Variants in ABCB5 observed in about 807,000 individuals in gnomAD.
The protein encoded by ABCB5 is ATP binding cassette subfamily B member 5, also known as ATP-binding cassette sub-family B member 5.
A neutral mutation model predicts 144.2 loss-of-function variants in ABCB5; 155 were observed. That is an observed-to-expected ratio of 1.08 (90% CI 0.94 to 1.23). The LOEUF (loss-of-function observed/expected upper bound fraction) is 1.23. ABCB5 is among the 50% of genes most tolerant of loss of function. The pLI, the probability that ABCB5 is intolerant of heterozygous loss-of-function variation, is 0.00. For synonymous variants in ABCB5, 610 were observed against 528.6 expected (o/e 1.15, Z -2.11); for missense variants, 1,830 against 1,520.8 (o/e 1.20, Z -3.38).
intron 13 of ABCB5, among the ~76,000 whole-genome samples, chr7:20,653,073 T>C (rs1296018413): frequency 6.6e-6 from 1 of 152,218 alleles, no homozygotes; most frequent in African/African-American, 2.4e-5. Flanking sequence ...TTTCCTTTTG[T>C]TGATGTTTTG....
chr7:20,638,354 A>G (rs1012317952), intron 5 of ABCB5, among the ~76,000 whole-genome samples: 1 of 151,770 alleles, frequency 6.6e-6, no homozygotes. Context: ...TATTATTTTT[A>G]ATATCTTTGT....
At chr7:20,717,297 C>T (rs928053262) in intron 20 of ABCB5, among the ~76,000 whole-genome samples, 1 of 152,146 alleles carries the variant, frequency 6.6e-6, no homozygotes, top group Non-Finnish European at 1.5e-5. Context: ...CCTTACAGTT[C>T]TGGAAGCTAG....
chr7:20,720,607 T>G (rs532767385), intron 20 of ABCB5, among the ~76,000 whole-genome samples: 7 of 152,120 alleles, frequency 4.6e-5, no homozygotes, highest in African/African-American at 9.7e-5. Flanking sequence ...CTACCAGATA[T>G]CTGGCTCGCG....
chr7:20,695,292 C>T (rs1433925408), intron 16 of ABCB5, among the ~76,000 whole-genome samples: 2 of 151,682 alleles, frequency 1.3e-5, no homozygotes, highest in Non-Finnish European at 2.9e-5. Context: ...TGCTTTTCAA[C>T]ACAAGGGCAA....
chr7:20,695,786 G>A (rs1786391544), intron 16 of ABCB5, among the ~76,000 whole-genome samples: 1 of 151,836 alleles, frequency 6.6e-6, no homozygotes, highest in South Asian at 2.1e-4. Flanking sequence ...TAAACAAGAT[G>A]AGCACATTGG....
intron 20 of ABCB5, among the ~76,000 whole-genome samples, chr7:20,710,292 G>C (rs1223178557): frequency 1.4e-5 from 2 of 139,596 alleles, no homozygotes; most frequent in African/African-American, 5.4e-5. Context: ...GTTTGAACCC[G>C]GGAGGCAGAG....
chr7:20,635,177 T>C (rs997802993), intron 5 of ABCB5, among the ~76,000 whole-genome samples: 8 of 152,140 alleles, frequency 5.3e-5, no homozygotes, highest in African/African-American at 1.9e-4. Flanking sequence ...TCCCAGTGTA[T>C]GTTTTTGTTG....
Position 20,628,798 on chromosome 7 carries a change from T to A in ABCB5, c.219T>A (p.Ser73Arg). 6.2e-7 allele frequency: 1 copy of A among 1,613,744 alleles called. No individual in the cohort carries two copies. Among genetic ancestry groups the A allele is most frequent in the South Asian group, 1.1e-5 (1 of 91,062 alleles). ...PLMPLVLGEM[S>R]DNLISGCLVQ... ...TGCCACTGGTTTTAGGAGAAATGAG[T>A]GATAACCTTATTAGTGGATGTCTAG... Residue 73 changes from serine to arginine, a missense_variant, in exon 4 of 28, where the codon AGT (serine) becomes AGA (arginine). Transcript: ENST00000404938.
At chr7:20,666,726 A>G (rs1785207511) in intron 14 of ABCB5, 2 of 1,595,322 alleles carry the variant, frequency 1.3e-6, no homozygotes, top group Non-Finnish European at 1.7e-6. Context: ...GATAGGAGAT[A>G]CTAGGAAATT....
intron 15 of ABCB5, among the ~76,000 whole-genome samples, chr7:20,683,702 G>A (rs549197765): frequency 3.0e-4 from 46 of 152,150 alleles, no homozygotes; most frequent in African/African-American, 8.7e-4. Context: ...TAACAACACC[G>A]TTTTAAATAT....
Position 20,629,084 on chromosome 7 carries a change from G to T in ABCB5, c.259+246G>T, listed in dbSNP as rs185990370. Among the ~76,000 whole-genome samples the T allele has an allele frequency of 1.6e-4, 24 of 150,610 alleles. No homozygotes were observed. The East Asian group carries it at 1.8e-3, about 11-fold the overall frequency. Reference sequence around the variant, plus strand: ...AGAAACAAAATCCCCTATTAGTCAGGGTTCTCCAGAGAAACAGCATGGATA... The same window carrying T: ...AGAAACAAAATCCCCTATTAGTCAGTGTTCTCCAGAGAAACAGCATGGATA... On this transcript the variant is annotated intron_variant, in intron 4 of 27. Coordinates refer to ENST00000404938, the MANE Select transcript of ABCB5 (RefSeq NM_001163941.2).
intron 23 of ABCB5, among the ~76,000 whole-genome samples, chr7:20,738,772 C>T (rs1782467418): frequency 1.3e-5 from 2 of 152,094 alleles, no homozygotes; most frequent in Admixed American, 1.3e-4. Context: ...ATTACCCAAG[C>T]TCCAAAGTTC....
intron 11 of ABCB5, among the ~76,000 whole-genome samples, chr7:20,649,645 GA>G (rs1562538109): frequency 6.6e-6 from 1 of 152,154 alleles, no homozygotes; most frequent in African/African-American, 2.4e-5. Context: ...TCCTAAGGAG[GA>G]GCTTCATTAA....
intron 16 of ABCB5, among the ~76,000 whole-genome samples, chr7:20,691,108 G>C (rs1335757905): frequency 1.4e-5 from 2 of 147,608 alleles, no homozygotes; most frequent in African/African-American, 5.0e-5. Context: ...CCCAGTTTAA[G>C]GTCTGAGTAG....
At position 20,756,191 on chromosome 7, in the gene ABCB5, T is replaced by C. The variant is rs917390567; in HGVS notation, c.*567T>C. On this transcript the variant is annotated 3_prime_UTR_variant, in exon 28 of 28. Coordinates refer to ENST00000404938, the MANE Select transcript of ABCB5 (RefSeq NM_001163941.2). ...GAGCAGGGAATAGAAAGGATTACGA[T>C]GTAAAATTTCTGGGAGGATTAGGTA... 2 of 152,610 alleles carry C rather than the reference T, an allele frequency of 1.3e-5. No homozygotes were observed. The highest frequency in any genetic ancestry group is 2.1e-4 in the South Asian group (1 of 4,838). The allele number at this position is 152,610 out of a possible 1,614,324, so 9.5% of individuals were successfully genotyped here.
intron 1 of ABCB5, among the ~76,000 whole-genome samples, chr7:20,622,284 A>G (rs1783818880): frequency 6.6e-6 from 1 of 152,170 alleles, no homozygotes; most frequent in South Asian, 2.1e-4. Context: ...TTTTTCTTAC[A>G]TACATGTCAG....
intron 14 of ABCB5, among the ~76,000 whole-genome samples, chr7:20,670,924 A>C (rs566386430): frequency 6.6e-6 from 1 of 152,272 alleles, no homozygotes; most frequent in East Asian, 1.9e-4. Context: ...AAAAAGAAAA[A>C]AAGAAAAGCA....
intron 26 of ABCB5, among the ~76,000 whole-genome samples, chr7:20,748,910 T>C (rs1343529375): frequency 1.3e-5 from 2 of 152,178 alleles, no homozygotes; most frequent in Admixed American, 6.5e-5. Flanking sequence ...CCAAGAATTA[T>C]TTAGCAAATT....
chr7:20,723,035 G>A lies in ABCB5; in HGVS notation c.2441G>A (p.Gly814Asp). Residue 814 changes from glycine (G) to aspartate (D), a missense_variant, in exon 21 of 28, where the codon GGC becomes GAC. Coordinates refer to ENST00000404938, the MANE Select transcript of ABCB5 (RefSeq NM_001163941.2). ...TTATAGGCAACAGGTTCCAGGATTGGCGTCTTAACACAAAATGCAACTAAC... is the reference window on the plus strand; with the variant it reads ...TTATAGGCAACAGGTTCCAGGATTGACGTCTTAACACAAAATGCAACTAAC... The part of the protein sequence containing the change: ...QIQGATGSRI[G>D]VLTQNATNMG... The A allele has an allele frequency of 3.1e-6, 5 of 1,613,972 alleles. No individual in the cohort carries two copies. The highest frequency in any genetic ancestry group is 1.3e-5 in the African/African-American group (1 of 74,980).
Sources: gnomAD v4.1 joint callset for allele counts (sites outside exome capture counted in the v4.1 genomes callset) on GRCh38, gnomAD v4.1.1 for gene constraint, MANE v1.5 for transcripts, NCBI Gene and HGNC (gene_info 2026-07-23, HGNC 2026-07-21) for gene names.